ZNF175: variants seen among roughly 807,000 people sequenced by gnomAD.
The protein encoded by ZNF175 is zinc finger protein OTK18.
ZNF175 carries 8 observed loss-of-function variants against 14.0 expected under a neutral mutation model. That is an observed-to-expected ratio of 0.57 (90% CI 0.34 to 1.03). ZNF175 has a LOEUF of 1.03. Among genes scored for constraint, ZNF175 ranks in the 50% least tolerant of loss-of-function variants. ZNF175 has a pLI of 0.03. For missense variants in ZNF175, 764 were observed against 849.5 expected (o/e 0.90, Z 1.25); for synonymous variants, 255 against 296.8 (o/e 0.86, Z 1.45).
At chr19:51,574,917 C>T (rs1450017241) in intron 2 of ZNF175, among the ~76,000 whole-genome samples, 1 of 152,062 alleles carries the variant, frequency 6.6e-6, no homozygotes, top group Non-Finnish European at 1.5e-5. Flanking sequence ...TTCAGATTTT[C>T]CATCAGTGTC....
intron 1 of ZNF175, among the ~76,000 whole-genome samples, chr19:51,572,174 T>C (rs1436828195): frequency 6.6e-6 from 1 of 152,184 alleles, no homozygotes; most frequent in Non-Finnish European, 1.5e-5. Context: ...CAGAAAATTG[T>C]GCTCGCTGGG....
Position 51,588,994 on chromosome 19 carries a change from G to A in ZNF175, c.*527G>A, listed in dbSNP as rs1216803448. On this transcript the variant is annotated 3_prime_UTR_variant, in exon 5 of 5. Coordinates refer to ENST00000262259, the MANE Select transcript of ZNF175 (RefSeq NM_007147.4). ...TGAGTATCCCTTCTCCAAAATGCCTGGGATCAGAAGCATTTTGGATTTCAG... is the reference window on the plus strand; with the variant it reads ...TGAGTATCCCTTCTCCAAAATGCCTAGGATCAGAAGCATTTTGGATTTCAG... 3 of 318,072 alleles carry A rather than the reference G, an allele frequency of 9.4e-6. No homozygotes were observed. Among genetic ancestry groups the A allele is most frequent in the Non-Finnish European group, 1.7e-5 (3 of 177,788 alleles). The allele number at this position is 318,072 out of a possible 1,614,324, so 19.7% of individuals were successfully genotyped here. A position where few individuals can be genotyped will look rare whatever the true frequency, so the allele number is the denominator to read the frequency against.
chr19:51,581,315 A>T (rs1388704284), intron 2 of ZNF175, 76 bp from the exon 3 acceptor site: 5 of 1,607,008 alleles, frequency 3.1e-6, no homozygotes, highest in African/African-American at 1.3e-5. Context: ...CATTAAAAGC[A>T]TGTTCCTCCT....
Position 51,587,492 on chromosome 19 carries a change from A to AG in ZNF175, c.1162dup (p.Glu388GlyfsTer5). 1 of 1,614,218 alleles carries AG rather than the reference A, an allele frequency of 6.2e-7. No homozygotes were observed. Among genetic ancestry groups the AG allele is most frequent in the Non-Finnish European group, 8.5e-7 (1 of 1,180,026 alleles). On this transcript the variant is annotated frameshift_variant, in exon 5 of 5. Coordinates refer to ENST00000262259, the MANE Select transcript of ZNF175 (RefSeq NM_007147.4). LOFTEE classifies it low-confidence loss of function (END_TRUNC). ...TCAGACATCAGAGAACTCACAGTAG[A>AG]GAAAAACTCTATGAATGCAGTGAAT...
chr19:51,579,942 T>C (rs1307025221), intron 2 of ZNF175, among the ~76,000 whole-genome samples: 1 of 152,106 alleles, frequency 6.6e-6, no homozygotes, highest in East Asian at 1.9e-4. Context: ...AAGCATCTCA[T>C]CTCGATGATT....
chr19:51,577,775 T>C (rs1474640780), intron 2 of ZNF175, among the ~76,000 whole-genome samples: 2 of 150,726 alleles, frequency 1.3e-5, no homozygotes, highest in South Asian at 2.1e-4. Context: ...GCCATTCTCC[T>C]GCTTCAGCCT....
At chr19:51,572,558 TGAAG>T (rs2122555466) in intron 1 of ZNF175, among the ~76,000 whole-genome samples, 1 of 152,270 alleles carries the variant, frequency 6.6e-6, no homozygotes, top group African/African-American at 2.4e-5. Context: ...CTGAGTTCTA[TGAAG>T]GCAACAGAAA....
rs1480516553 is a variant in ZNF175 at position 51,591,051 on chromosome 19, A to T, written c.*2584A>T. 1 of 151,736 alleles carries T rather than the reference A, an allele frequency of 6.6e-6. No individual in the cohort carries two copies. The highest frequency in any genetic ancestry group is 1.5e-5 in the Non-Finnish European group (1 of 68,140). 9.4% of individuals were successfully genotyped at this position (151,736 alleles called of 1,614,324 possible). A position where few individuals can be genotyped will look rare whatever the true frequency, so the allele number is the denominator to read the frequency against. Reference sequence around the variant, plus strand: ...GGTCCTCATCTCCAGCCACATGTTCACTCCTCACGTGGGCCTCCCTAACTG... The same window carrying T: ...GGTCCTCATCTCCAGCCACATGTTCTCTCCTCACGTGGGCCTCCCTAACTG... On this transcript the variant is annotated 3_prime_UTR_variant, in exon 5 of 5. Transcript: ENST00000262259.
chr19:51,591,814 T>G lies in ZNF175; in HGVS notation c.*3347T>G, dbSNP rs891233567. The stretch of plus-strand genomic sequence containing the variant: ...TGGAGTCTCGCTCTGTCGCCCAGGC[T>G]CTGGAGTGCAGTGGCACGATCTCAG... On this transcript the variant is annotated 3_prime_UTR_variant, in exon 5 of 5. Transcript: ENST00000262259. 6.8e-6 allele frequency: 1 copy of G among 147,292 alleles called. No individual in the cohort carries two copies. Among genetic ancestry groups the G allele is most frequent in the Non-Finnish European group, 1.5e-5 (1 of 67,132 alleles). The allele number at this position is 147,292 out of a possible 1,614,324, so 9.1% of individuals were successfully genotyped here.
rs1484100889 is a variant in ZNF175 at position 51,587,566 on chromosome 19, T to C, written c.1235T>C (p.Ile412Thr). The change falls in exon 5 of 5, where the codon ATT (isoleucine) becomes ACT (threonine). Residue 412 changes from isoleucine (I) to threonine (T), a missense_variant. Transcript: ENST00000262259. ...QNSTLIIHQK[I>T]HTGERQYACS... is the part of the protein sequence containing the mutation. Reference sequence around the variant, plus strand: ...TCAACCCTCATTATACATCAGAAAATTCATACTGGTGAGAGACAGTATGCA... The same window carrying C: ...TCAACCCTCATTATACATCAGAAAACTCATACTGGTGAGAGACAGTATGCA... 3 of 1,613,968 alleles carry C rather than the reference T, an allele frequency of 1.9e-6. No homozygotes were observed. Among genetic ancestry groups the C allele is most frequent in the African/African-American group, 2.7e-5 (2 of 74,882 alleles).
At chr19:51,583,492 G>A (rs1208779949) in intron 4 of ZNF175, among the ~76,000 whole-genome samples, 4 of 151,780 alleles carry the variant, frequency 2.6e-5, no homozygotes, top group Admixed American at 6.6e-5. Flanking sequence ...TTTTAATTAA[G>A]AAAAAAGTGA....
At chr19:51,582,051 A>G (rs916402129) in intron 4 of ZNF175, among the ~76,000 whole-genome samples, 169 bp downstream of exon 4, 1 of 152,148 alleles carries the variant, frequency 6.6e-6, no homozygotes, top group South Asian at 2.1e-4. Flanking sequence ...AATGTCCTAT[A>G]GGGGCTGCCT....
chr19:51,584,140 T>A (rs778641989), intron 4 of ZNF175, among the ~76,000 whole-genome samples: 1 of 152,226 alleles, frequency 6.6e-6, no homozygotes, highest in Non-Finnish European at 1.5e-5. Context: ...ATCAATCATG[T>A]CTATTTCATG....
chr19:51,576,531 C>T (rs2122561428), intron 2 of ZNF175, among the ~76,000 whole-genome samples: 1 of 152,250 alleles, frequency 6.6e-6, no homozygotes, highest in East Asian at 1.9e-4. Flanking sequence ...GACTGAGGCA[C>T]AGAATGAAAT....
chr19:51,577,905 C>G (rs149655756), intron 2 of ZNF175, among the ~76,000 whole-genome samples: 13 of 150,996 alleles, frequency 8.6e-5, no homozygotes, highest in African/African-American at 3.2e-4. Flanking sequence ...CCTCGTGATC[C>G]GCCCGCCTTG....
At chr19:51,575,900 A>G (rs141223522) in intron 2 of ZNF175, among the ~76,000 whole-genome samples, 165 of 152,308 alleles carry the variant, frequency 1.1e-3, no homozygotes, top group Non-Finnish European at 1.9e-3. Flanking sequence ...GATCAGGTCA[A>G]TCTTCCTTGT....
At chr19:51,578,485 C>T (rs556108375) in intron 2 of ZNF175, among the ~76,000 whole-genome samples, 4 of 151,714 alleles carry the variant, frequency 2.6e-5, no homozygotes, top group Non-Finnish European at 5.9e-5. Flanking sequence ...ACGTTGAGGA[C>T]GGCTGGGCGT....
chr19:51,577,950 A>G (rs1212403475), intron 2 of ZNF175, among the ~76,000 whole-genome samples: 2 of 151,508 alleles, frequency 1.3e-5, no homozygotes, highest in Admixed American at 6.6e-5. Flanking sequence ...GGCGTGAGCC[A>G]CCGCACCTGG....
chr19:51,580,696 C>A (rs944675351), intron 2 of ZNF175, among the ~76,000 whole-genome samples: 2 of 152,152 alleles, frequency 1.3e-5, no homozygotes, highest in Admixed American at 6.5e-5. Context: ...TGGATGGTAA[C>A]CACCTTCCAA....
Sources: gnomAD v4.1 joint callset for allele counts (sites outside exome capture counted in the v4.1 genomes callset) on GRCh38, gnomAD v4.1.1 for gene constraint, MANE v1.5 for transcripts, NCBI Gene and HGNC (gene_info 2026-07-23, HGNC 2026-07-21) for gene names.